The following PCDHA2 variants were observed in gnomAD, a reference collection of about 807,000 sequenced individuals.
PCDHA2 encodes protocadherin alpha-2.
Under a neutral mutation model 66.0 loss-of-function variants are expected in PCDHA2, and 58 were observed. The ratio of observed to expected loss-of-function variants is 0.88; its 90% CI spans 0.71 to 1.09. PCDHA2 has a LOEUF of 1.09. PCDHA2 is among the 50% of genes least tolerant of loss of function. PCDHA2 has a pLI of 0.00. For synonymous variants in PCDHA2, 634 were observed against 554.0 expected, an observed-to-expected ratio of 1.14 and a Z score of -2.03; for missense variants, 1,267 against 1,242.3, an observed-to-expected ratio of 1.02 and a Z score of -0.30.
At chr5:140,992,271 T>C (rs1375901464) in intron 3 of PCDHA2, among the ~76,000 whole-genome samples, 1 of 152,184 alleles carries the variant, frequency 6.6e-6, no homozygotes, top group African/African-American at 2.4e-5. Flanking sequence ...GTTCTTTTCG[T>C]AGCACATCCC....
intron 1 of PCDHA2, among the ~76,000 whole-genome samples, chr5:140,921,386 A>C (rs2080192825): frequency 6.6e-6 from 1 of 152,156 alleles, no homozygotes; most frequent in African/African-American, 2.4e-5. Flanking sequence ...ATATTTGATA[A>C]ACATTCACAC....
intron 3 of PCDHA2, among the ~76,000 whole-genome samples, chr5:141,003,515 G>C (rs1402480495): frequency 1.3e-5 from 2 of 152,114 alleles, no homozygotes; most frequent in Admixed American, 6.5e-5. Flanking sequence ...GTTTCACCAT[G>C]TTCCCTAGGC....
intron 1 of PCDHA2, among the ~76,000 whole-genome samples, chr5:140,976,307 T>C (rs955106939): frequency 6.6e-6 from 1 of 152,100 alleles, no homozygotes; most frequent in African/African-American, 2.4e-5. Flanking sequence ...TCCCAGCACT[T>C]TGGGAGGCCG....
At chr5:140,831,040 T>C (rs1208803286) in intron 1 of PCDHA2, 1 of 152,248 alleles carries the variant, frequency 6.6e-6, no homozygotes, top group East Asian at 1.9e-4. Context: ...CGGGAGGCAA[T>C]AGTGTTCATT....
chr5:140,802,307 T>G (rs3733707), intron 1 of PCDHA2: 31 of 1,613,946 alleles, frequency 1.9e-5, no homozygotes, highest in Non-Finnish European at 2.5e-5. Flanking sequence ...CAGTCATCGC[T>G]CTGATCAGCG....
At chr5:140,829,025 C>T in intron 1 of PCDHA2, 2 of 1,613,002 alleles carry the variant, frequency 1.2e-6, no homozygotes, top group Non-Finnish European at 1.7e-6. Context: ...GGATTTTGAA[C>T]AAGAAAACTT....
intron 1 of PCDHA2, chr5:140,866,095 A>G (rs1475761817): frequency 6.6e-6 from 1 of 152,152 alleles, no homozygotes; most frequent in East Asian, 1.9e-4. Flanking sequence ...TGTAATTGTT[A>G]AGTAATTAAG....
intron 1 of PCDHA2, chr5:140,807,060 A>G (rs1763837295): frequency 1.8e-6 from 2 of 1,107,310 alleles, no homozygotes; most frequent in East Asian, 2.4e-5. Flanking sequence ...TTCTTACTGG[A>G]AGGAACCATA....
At chr5:140,834,318 A>T in intron 1 of PCDHA2, 1 of 1,413,328 alleles carries the variant, frequency 7.1e-7, no homozygotes, top group South Asian at 1.4e-5. Context: ...AAATGAAGGG[A>T]TAAAAACATT....
At chr5:140,968,813 A>G (rs1554231120) in intron 1 of PCDHA2, 1 of 1,614,194 alleles carries the variant, frequency 6.2e-7, no homozygotes, top group South Asian at 1.1e-5. Context: ...TGTGGTGGAT[A>G]GGGTTTCCAA....
intron 1 of PCDHA2, chr5:140,803,791 TC>T: frequency 1.2e-6 from 1 of 827,544 alleles, no homozygotes; most frequent in Non-Finnish European, 1.8e-6. Flanking sequence ...AGTTATGATA[TC>T]CACACTTGTA....
chr5:140,846,801 G>A (rs1780686436), intron 1 of PCDHA2, among the ~76,000 whole-genome samples: 1 of 149,422 alleles, frequency 6.7e-6, no homozygotes, highest in Admixed American at 6.7e-5. Context: ...CCAGCCCCTG[G>A]CTTTAAAATT....
chr5:140,850,349 G>A (rs2150480668), intron 1 of PCDHA2: 3 of 1,597,844 alleles, frequency 1.9e-6, no homozygotes, highest in Non-Finnish European at 1.7e-6. Flanking sequence ...CGGCCAGCGC[G>A]AGCATCCCGT....
At chr5:140,971,462 A>G (rs1554233357) in intron 1 of PCDHA2, among the ~76,000 whole-genome samples, 1 of 152,184 alleles carries the variant, frequency 6.6e-6, no homozygotes, top group African/African-American at 2.4e-5. Flanking sequence ...TTTTGCAGTT[A>G]TAGGGAGAGA....
At chr5:140,823,378 AGC>A in intron 1 of PCDHA2, 1 of 1,612,736 alleles carries the variant, frequency 6.2e-7, no homozygotes, top group Non-Finnish European at 8.5e-7. Context: ...GTTCCAGGTG[AGC>A]GCGCGCGACG....
chr5:140,967,854 C>T (rs782783470), intron 1 of PCDHA2: 1 of 1,614,154 alleles, frequency 6.2e-7, no homozygotes, highest in South Asian at 1.1e-5. Flanking sequence ...GACAATGCCC[C>T]AGAGGTGGTG....
At chr5:140,810,923 TTTACA>T (rs782478731) in intron 1 of PCDHA2, 7 of 152,192 alleles carry the variant, frequency 4.6e-5, no homozygotes, top group Non-Finnish European at 8.8e-5. Flanking sequence ...TATTTCATTG[TTTACA>T]TTACATCTAC....
In PCDHA2 at chr5:140,808,422, C is replaced by T. The variant is rs147309851; in HGVS notation, c.2388+11070C>T. 451 of 1,614,150 alleles carry T rather than the reference C, an allele frequency of 2.8e-4. 2 individuals are homozygous for T. In the African/African-American group the frequency reaches 4.3e-3, roughly 15 times the overall value. On this transcript the variant is annotated intron_variant, in intron 1 of 3. Transcript: ENST00000526136. ...TACTACTCGTTGGTGCTGGACAGTG[C>T]CCTGGACCGCGAGAGCGTGTCAGCC...
intron 1 of PCDHA2, among the ~76,000 whole-genome samples, chr5:140,937,163 G>A (rs1169573071): frequency 2.0e-5 from 3 of 150,028 alleles, no homozygotes; most frequent in East Asian, 4.0e-4. Flanking sequence ...TCAGCCTCCC[G>A]AGTAGCTGGG....
Sources: gnomAD v4.1 joint callset for allele counts (sites outside exome capture counted in the v4.1 genomes callset) on GRCh38, gnomAD v4.1.1 for gene constraint, MANE v1.5 for transcripts, NCBI Gene and HGNC (gene_info 2026-07-23, HGNC 2026-07-21) for gene names.